Variants in KIF3C observed in about 807,000 individuals in gnomAD.
KIF3C encodes the protein kinesin-like protein KIF3C.
A neutral mutation model predicts 67.7 loss-of-function variants in KIF3C; 12 were observed. The ratio of observed to expected loss-of-function variants is 0.18; its 90% CI spans 0.11 to 0.29. The LOEUF (loss-of-function observed/expected upper bound fraction) is 0.29. KIF3C is among the 10% of genes least tolerant of loss of function. The probability of loss-of-function intolerance (pLI) is 1.00; values close to 1 mark genes in which losing one functional copy is unlikely to be tolerated. For missense variants in KIF3C, 789 were observed against 1,059.6 expected (o/e 0.74, Z 3.55); for synonymous variants, 393 against 426.2 (o/e 0.92, Z 0.96).
At position 25,955,623 on chromosome 2, in the gene KIF3C, C is replaced by T. The variant is rs770531608; in HGVS notation, c.1688G>A (p.Arg563Gln). ...CCGGAGCTCCATAGTCTCCTCGTCC[C>T]GGAGCATCATCTCCTGCTGCATCTC... ...EREMQQEMML[R>Q]DEETMELRGT... The change falls in exon 3 of 8, where the codon CGG becomes CAG. Residue 563 changes from arginine (R) to glutamine (Q), a missense_variant. Transcript: ENST00000264712. This position sits in a 1 kb window ranked among gnomAD's most constrained non-coding sequence, Gnocchi z 5.0. The T allele has an allele frequency of 1.5e-5, 25 of 1,614,004 alleles. No individual in the cohort carries two copies. The East Asian group carries it at 1.6e-4, about 10-fold the overall frequency.
At position 25,948,961 on chromosome 2, in the gene KIF3C, CAA is replaced by C. The variant is rs145083654; in HGVS notation, c.2006+2826_2006+2827del. On this transcript the variant is annotated intron_variant, in intron 5 of 7. Transcript: ENST00000264712. ...TTCTCAGTTCCACATTAAAGGAGAC[CAA>C]AGAGTCATGACAATTAAATGAAATG... 3.3e-3 allele frequency among the ~76,000 whole-genome samples: 494 copies of C among 151,578 alleles called. 3 individuals are homozygous for C. The highest frequency in any genetic ancestry group is 0.012 in the African/African-American group (482 of 41,296).
intron 5 of KIF3C, among the ~76,000 whole-genome samples, chr2:25,939,368 G>A (rs776912151): frequency 1.3e-5 from 2 of 152,084 alleles, no homozygotes; most frequent in South Asian, 2.1e-4. Flanking sequence ...TTTCCTCTTC[G>A]ATCTGGCTGC....
rs533582310 is a variant in KIF3C, at chr2:25,939,000, C to T, written c.2007-8937G>A. Among the ~76,000 whole-genome samples, 18 of 151,928 alleles carry T rather than the reference C, an allele frequency of 1.2e-4. No homozygotes were observed. The South Asian group carries it at 3.7e-3, about 32-fold the overall frequency. On this transcript the variant is annotated intron_variant, in intron 5 of 7. Transcript: ENST00000264712. The stretch of plus-strand genomic sequence containing the variant: ...CTCTCCTTCCTCTCCTTCCTTCCTG[C>T]TCTCCCTCTCTCCCTCCCTTCCTCA...
At chr2:25,962,791 ATATAT>A (rs1378029178) in intron 1 of KIF3C, among the ~76,000 whole-genome samples, 2 of 97,564 alleles carry the variant, frequency 2.0e-5, no homozygotes, top group East Asian at 2.3e-4. Context: ...TATATATAAT[ATATAT>A]TATATAATAT....
intron 1 of KIF3C, among the ~76,000 whole-genome samples, chr2:25,975,377 GTC>G (rs1438726070): frequency 1.3e-5 from 2 of 152,072 alleles, no homozygotes; most frequent in Non-Finnish European, 1.5e-5. Context: ...GTCCAGGCTG[GTC>G]TGGAACTCCT....
chr2:25,939,668 G>C (rs1410198466), intron 5 of KIF3C, among the ~76,000 whole-genome samples: 1 of 152,178 alleles, frequency 6.6e-6, no homozygotes, highest in East Asian at 1.9e-4. Context: ...CCCAGAGGCA[G>C]AGCCTGGGTG....
At chr2:25,971,029 T>C (rs1426228150) in intron 1 of KIF3C, among the ~76,000 whole-genome samples, 1 of 150,834 alleles carries the variant, frequency 6.6e-6, no homozygotes, top group Non-Finnish European at 1.5e-5. Flanking sequence ...TCCCAGCACT[T>C]TGGGAGGCCG....
intron 1 of KIF3C, among the ~76,000 whole-genome samples, chr2:25,962,983 T>C (rs1178625235): frequency 0.017 from 882 of 51,492 alleles, 31 homozygotes; most frequent in South Asian, 0.04. Flanking sequence ...TAATATATAA[T>C]ATATAATATA....
chr2:25,940,556 T>A (rs1331279017), intron 5 of KIF3C, among the ~76,000 whole-genome samples: 1 of 148,908 alleles, frequency 6.7e-6, no homozygotes. Flanking sequence ...GGCGACAGAG[T>A]GAGACTCCAT....
chr2:25,966,112 CTTTT>C (rs1182845191), intron 1 of KIF3C, among the ~76,000 whole-genome samples: 1 of 145,298 alleles, frequency 6.9e-6, no homozygotes, highest in Non-Finnish European at 1.5e-5. Context: ...TCTAGATGCT[CTTTT>C]TTTTTTTTTA....
chr2:25,943,335 C>T (rs987281873), intron 5 of KIF3C, among the ~76,000 whole-genome samples: 4 of 152,158 alleles, frequency 2.6e-5, no homozygotes, highest in Non-Finnish European at 5.9e-5. Context: ...CCTCCCTGCC[C>T]TCAACCTTCT....
intron 5 of KIF3C, among the ~76,000 whole-genome samples, chr2:25,932,393 C>T (rs955920113): frequency 6.6e-6 from 1 of 150,954 alleles, no homozygotes; most frequent in Non-Finnish European, 1.5e-5. Context: ...CCTGCCTCGG[C>T]CTCCCAAAGT....
chr2:25,947,437 C>T (rs538632884), intron 5 of KIF3C, among the ~76,000 whole-genome samples: 23 of 151,488 alleles, frequency 1.5e-4, no homozygotes, highest in Non-Finnish European at 3.1e-4. Context: ...AAAAATTAGC[C>T]GGGTGTGGTG....
rs550499574 is a variant in KIF3C, at chr2:25,981,900, C to T, written c.18G>A (p.Lys6=). 6 of 1,556,312 alleles carry T rather than the reference C, an allele frequency of 3.9e-6. No individual in the cohort carries two copies. The highest frequency in any genetic ancestry group is 2.3e-5 in the East Asian group (1 of 44,354). Reference sequence around the variant, plus strand: ...CCACCACCTTGAGGGCCTCGCTGGCCTTGGTCTTACTGGCCATCTTGCTGC... The same window carrying T: ...CCACCACCTTGAGGGCCTCGCTGGCTTTGGTCTTACTGGCCATCTTGCTGC... The part of the protein sequence containing the change: MASKT[K]ASEALKVVAR... The change falls in exon 1 of 8, where the codon AAG becomes AAA. Residue 6 remains lysine (K), a synonymous_variant. Coordinates refer to ENST00000264712, the MANE Select transcript of KIF3C (RefSeq NM_002254.8). This position sits in a 1 kb window ranked among gnomAD's most constrained non-coding sequence, Gnocchi z 8.2.
rs1574488466 is a variant in KIF3C, at chr2:25,955,476, C to A, written c.1770+65G>T. ...AATGGGGAGGAGTCCCTGAAGCACA[C>A]ATCCCTTGGGCAGAGACTGCTGGGC... On this transcript the variant is annotated intron_variant, in intron 3 of 7. Transcript: ENST00000264712. This position sits in a 1 kb window ranked among gnomAD's most constrained non-coding sequence, Gnocchi z 5.0. 15 of 1,585,612 alleles carry A rather than the reference C, an allele frequency of 9.5e-6. No individual in the cohort carries two copies. In the East Asian group the frequency reaches 3.4e-4, roughly 36 times the overall value.
rs112571946 is a variant in KIF3C at position 25,937,068 on chromosome 2, A to G, written c.2007-7005T>C. Among the ~76,000 whole-genome samples, 198 of 152,084 alleles carry G rather than the reference A, an allele frequency of 1.3e-3. 1 individual carries two copies. The highest frequency in any genetic ancestry group is 4.5e-3 in the African/African-American group (185 of 41,566). The stretch of plus-strand genomic sequence containing the variant: ...ACAAGACAAGCACTTAGCACAGTAC[A>G]CCTGCCACAGGGCTTAACACATGGC... On this transcript the variant is annotated intron_variant, in intron 5 of 7. Coordinates refer to ENST00000264712, the MANE Select transcript of KIF3C (RefSeq NM_002254.8).
chr2:25,939,071 G>A (rs1663218542), intron 5 of KIF3C, among the ~76,000 whole-genome samples: 1 of 151,932 alleles, frequency 6.6e-6, no homozygotes, highest in Non-Finnish European at 1.5e-5. Flanking sequence ...TTGGCACACT[G>A]CAACCTCTGC....
In KIF3C at chr2:25,956,121, T is replaced by G. The variant is rs548383335; in HGVS notation, c.1647+222A>C. Among the ~76,000 whole-genome samples, 3 of 152,256 alleles carry G rather than the reference T, an allele frequency of 2.0e-5. No homozygotes were observed. In the East Asian group the frequency reaches 5.8e-4, roughly 29 times the overall value. On this transcript the variant is annotated intron_variant, in intron 2 of 7. Transcript: ENST00000264712. ...ACCAGGTGGCTTGTGGAGGCTGATG[T>G]TATGGAGAGCTATCACGTCCTCTCG...
intron 4 of KIF3C, among the ~76,000 whole-genome samples, chr2:25,952,141 C>CA (rs1031063562): frequency 8.6e-5 from 13 of 150,900 alleles, no homozygotes; most frequent in South Asian, 4.2e-4. Context: ...ACTAAAAATA[C>CA]AAAAAAAAAT....
Sources: allele counts gnomAD v4.1 joint callset (sites outside exome capture counted in the v4.1 genomes callset), GRCh38; gene constraint gnomAD v4.1.1; non-coding constraint Gnocchi (gnomAD v3.1); transcripts MANE v1.5; gene names NCBI Gene and HGNC (gene_info 2026-07-23, HGNC 2026-07-21).